CMIP: variants seen among roughly 807,000 people sequenced by gnomAD.
The protein encoded by CMIP is C-Maf-inducing protein.
CMIP carries 13 observed loss-of-function variants against 97.3 expected under a neutral mutation model. The ratio of observed to expected loss-of-function variants is 0.13; its 90% CI spans 0.09 to 0.21. The LOEUF is 0.21. Among genes scored for constraint, CMIP ranks in the 10% least tolerant of loss-of-function variants. CMIP has a pLI of 1.00. For synonymous variants in CMIP, 538 were observed against 436.3 expected, an observed-to-expected ratio of 1.23 and a Z score of -2.91; for missense variants, 847 against 1,024.9, an observed-to-expected ratio of 0.83 and a Z score of 2.37.
chr16:81,448,371 CTG>C (rs1203466283), intron 1 of CMIP, among the ~76,000 whole-genome samples: 1 of 152,242 alleles, frequency 6.6e-6, no homozygotes, highest in Non-Finnish European at 1.5e-5. Flanking sequence ...TTAACCGAAT[CTG>C]AGAGATTTAA....
intron 1 of CMIP, among the ~76,000 whole-genome samples, chr16:81,535,351 G>C (rs2090321302): frequency 6.6e-6 from 1 of 152,024 alleles, no homozygotes; most frequent in Non-Finnish European, 1.5e-5. Flanking sequence ...AATGCTGTCT[G>C]AGAATCTCAC....
chr16:81,516,709 C>T (rs145021095), intron 1 of CMIP, among the ~76,000 whole-genome samples: 4 of 152,336 alleles, frequency 2.6e-5, no homozygotes, highest in East Asian at 3.9e-4. Flanking sequence ...TCCCTGGGGG[C>T]TGGGACCAGG....
intron 3 of CMIP, 47 bp downstream of exon 3, chr16:81,620,973 G>A: frequency 6.2e-7 from 1 of 1,609,566 alleles, no homozygotes; most frequent in Non-Finnish European, 8.5e-7. Flanking sequence ...AGGCAGTGGT[G>A]CGATGGCTTA....
At chr16:81,500,253 T>TCCGTCCTTCCTTCCTC in intron 1 of CMIP, among the ~76,000 whole-genome samples, 1 of 150,560 alleles carries the variant, frequency 6.6e-6, no homozygotes, top group Non-Finnish European at 1.5e-5. Context: ...CTTCCTTCCT[T>TCCGTCCTTCCTTCCTC]CCGTCCTTCC....
intron 3 of CMIP, chr16:81,645,908 A>T (rs1332420280): frequency 4.4e-6 from 2 of 454,254 alleles, no homozygotes; most frequent in Non-Finnish European, 8.1e-6. Flanking sequence ...GCAGACAAGG[A>T]AACTGGTGCA....
chr16:81,507,586 C>G (rs2089732671), intron 1 of CMIP, among the ~76,000 whole-genome samples: 1 of 152,152 alleles, frequency 6.6e-6, no homozygotes, highest in African/African-American at 2.4e-5. Flanking sequence ...CATGGCTCCC[C>G]TTTGTGGGAA....
chr16:81,645,288 C>T, intron 3 of CMIP: 8 of 1,023,876 alleles, frequency 7.8e-6, no homozygotes, highest in Non-Finnish European at 1.0e-5. Flanking sequence ...CTCCACTCTG[C>T]AGTGCCATGG....
chr16:81,553,808 T>G (rs2090708863), intron 1 of CMIP, among the ~76,000 whole-genome samples: 1 of 152,242 alleles, frequency 6.6e-6, no homozygotes, highest in Non-Finnish European at 1.5e-5. Flanking sequence ...AGGCATGAGC[T>G]TCTAATTAGC....
At position 81,607,497 on chromosome 16, in the gene CMIP, T is replaced by A. The variant is rs2091763198; in HGVS notation, c.301-70T>A. ...CAGAGGGGCGATGTTTCCAAAACCG[T>A]CTGAGATGCGGACGTCATGCCTGCT... On this transcript the variant is annotated intron_variant, in intron 1 of 20. Coordinates refer to ENST00000537098, the MANE Select transcript of CMIP (RefSeq NM_198390.3). 3 of 1,580,726 alleles carry A rather than the reference T, an allele frequency of 1.9e-6. No homozygotes were observed. In the East Asian group the frequency reaches 6.8e-5, roughly 36 times the overall value.
At chr16:81,628,038 A>G (rs1178731311) in intron 3 of CMIP, among the ~76,000 whole-genome samples, 1 of 152,142 alleles carries the variant, frequency 6.6e-6, no homozygotes, top group Non-Finnish European at 1.5e-5. Flanking sequence ...CCAGGGGACC[A>G]GGTCAGAATG....
chr16:81,461,528 C>G (rs760799192), intron 1 of CMIP, among the ~76,000 whole-genome samples: 9 of 152,198 alleles, frequency 5.9e-5, no homozygotes, highest in Non-Finnish European at 1.0e-4. Flanking sequence ...TGGCATGCAA[C>G]GGGGACCCTA....
chr16:81,580,834 A>T (rs2091284446), intron 1 of CMIP, among the ~76,000 whole-genome samples: 1 of 152,220 alleles, frequency 6.6e-6, no homozygotes, highest in Non-Finnish European at 1.5e-5. Flanking sequence ...AGCGGCCTTT[A>T]GCAAATTCGC....
At chr16:81,459,141 C>T (rs1291238541) in intron 1 of CMIP, among the ~76,000 whole-genome samples, 3 of 152,206 alleles carry the variant, frequency 2.0e-5, no homozygotes, top group African/African-American at 4.8e-5. Context: ...GTATACCTTC[C>T]TGCTTCCTGC....
Position 81,678,485 on chromosome 16 carries a change from G to A in CMIP, c.1245G>A (p.Ala415=), listed in dbSNP as rs766858555. Residue 415 remains alanine (A), a synonymous_variant, in exon 10 of 21, where the codon GCG becomes GCA. Coordinates refer to ENST00000537098, the MANE Select transcript of CMIP (RefSeq NM_198390.3). The part of the protein sequence containing the change: ...EVERTSTAKP[A]LTASAGNDSE... ...AACGCACCAGCACTGCCAAGCCGGC[G>A]CTGACGGCCAGCGCAGGCAACGACA... 2.2e-5 allele frequency: 35 copies of A among 1,597,032 alleles called. No homozygotes were observed. The highest frequency in any genetic ancestry group is 1.2e-4 in the Admixed American group (7 of 57,376).
At chr16:81,552,764 C>T (rs962546440) in intron 1 of CMIP, among the ~76,000 whole-genome samples, 1 of 152,218 alleles carries the variant, frequency 6.6e-6, no homozygotes, top group Non-Finnish European at 1.5e-5. Flanking sequence ...GCTCTTGTGC[C>T]TACCACCAGG....
chr16:81,629,607 G>A (rs1229023008), intron 3 of CMIP, among the ~76,000 whole-genome samples: 1 of 152,174 alleles, frequency 6.6e-6, no homozygotes, highest in Admixed American at 6.5e-5. Context: ...AGCACCCCCA[G>A]CTCCTGCCAG....
chr16:81,567,241 TTG>T (rs1360238047), intron 1 of CMIP, among the ~76,000 whole-genome samples: 2 of 152,256 alleles, frequency 1.3e-5, no homozygotes, highest in African/African-American at 2.4e-5. Flanking sequence ...CCACGGGAGC[TTG>T]TGCTGCTCTC....
chr16:81,452,750 GTTA>G (rs1293987298), intron 1 of CMIP, among the ~76,000 whole-genome samples: 4 of 152,070 alleles, frequency 2.6e-5, no homozygotes, highest in Admixed American at 6.5e-5. Context: ...CTGTGGAGCT[GTTA>G]TTATCTGTTT....
chr16:81,569,713 A>G (rs886942205), intron 1 of CMIP, among the ~76,000 whole-genome samples: 3 of 152,238 alleles, frequency 2.0e-5, no homozygotes, highest in Non-Finnish European at 4.4e-5. Flanking sequence ...AGATGGGCAC[A>G]GTTGGCTTCT....
Sources: allele counts gnomAD v4.1 joint callset (sites outside exome capture counted in the v4.1 genomes callset), GRCh38; gene constraint gnomAD v4.1.1; transcripts MANE v1.5; gene names NCBI Gene and HGNC (gene_info 2026-07-23, HGNC 2026-07-21).